Variants in DIP2B observed in about 807,000 individuals in gnomAD.
The protein encoded by DIP2B is disco-interacting protein 2 homolog B.
DIP2B carries 76 observed loss-of-function variants against 198.0 expected under a neutral mutation model. The observed-to-expected ratio is 0.38, with a 90% CI of 0.32 to 0.46. DIP2B has a LOEUF of 0.46. Among genes scored for constraint, DIP2B ranks in the 20% least tolerant of loss-of-function variants. DIP2B has a pLI of 0.99. For missense variants in DIP2B, 1,559 were observed against 1,978.4 expected (o/e 0.79, Z 4.02); for synonymous variants, 701 against 739.1 (o/e 0.95, Z 0.84).
At chr12:50,568,440 C>T (rs147940700) in intron 1 of DIP2B, among the ~76,000 whole-genome samples, 81 of 152,256 alleles carry the variant, frequency 5.3e-4, no homozygotes, top group African/African-American at 1.8e-3. Flanking sequence ...GGGTATTTAG[C>T]CTGTACTTTT....
intron 1 of DIP2B, among the ~76,000 whole-genome samples, chr12:50,533,846 A>G (rs1356204888): frequency 6.6e-6 from 1 of 151,928 alleles, no homozygotes; most frequent in Non-Finnish European, 1.5e-5. Context: ...CCTTTCAGCC[A>G]CCCAAAGTGC....
At chr12:50,565,078 A>G (rs897710641) in intron 1 of DIP2B, among the ~76,000 whole-genome samples, 1 of 152,008 alleles carries the variant, frequency 6.6e-6, no homozygotes. Flanking sequence ...CTCACAGCTC[A>G]CTATAGCCTT....
intron 1 of DIP2B, among the ~76,000 whole-genome samples, chr12:50,540,674 G>A (rs538773884): frequency 4.7e-5 from 7 of 149,484 alleles, no homozygotes; most frequent in African/African-American, 1.7e-4. Context: ...TCAGCCTACC[G>A]AGTAGCTGGG....
intron 1 of DIP2B, among the ~76,000 whole-genome samples, chr12:50,540,446 A>T (rs1438455901): frequency 1.3e-5 from 2 of 151,154 alleles, no homozygotes; most frequent in Non-Finnish European, 2.9e-5. Context: ...AATATTAAAA[A>T]TATATTTACA....
chr12:50,571,657 A>T (rs1398514562), intron 1 of DIP2B, among the ~76,000 whole-genome samples: 1 of 139,634 alleles, frequency 7.2e-6, no homozygotes, highest in African/African-American at 2.7e-5. Flanking sequence ...GGTTCAAGTG[A>T]TTCTTCTGTC....
intron 30 of DIP2B, 114 bp downstream of exon 30, chr12:50,728,792 T>C: frequency 7.8e-7 from 1 of 1,281,602 alleles, no homozygotes; most frequent in Non-Finnish European, 1.1e-6. Flanking sequence ...AAAATGCTAG[T>C]GTTTCCAGAA....
intron 1 of DIP2B, among the ~76,000 whole-genome samples, chr12:50,553,938 G>A (rs1268313424): frequency 6.6e-6 from 1 of 152,160 alleles, no homozygotes; most frequent in Non-Finnish European, 1.5e-5. Flanking sequence ...GCAGGTGTCA[G>A]CCTGTGCGCT....
In DIP2B at chr12:50,573,035, C is replaced by T. The variant is rs114741843; in HGVS notation, c.101-52941C>T. ...CTGATCAGGCATGTGCCATTCTGCA[C>T]GTGAGCTCTAAGAAATAAAGCCGCA... On this transcript the variant is annotated intron_variant, in intron 1 of 37. Transcript: ENST00000301180. 7.2e-3 allele frequency among the ~76,000 whole-genome samples: 1,091 copies of T among 152,352 alleles called. 16 individuals are homozygous for T. Among genetic ancestry groups the T allele is most frequent in the African/African-American group, 0.025 (1,048 of 41,576 alleles).
intron 35 of DIP2B, 33 bp downstream of exon 35, chr12:50,737,143 G>A (rs1171874530): frequency 4.4e-6 from 7 of 1,590,740 alleles, no homozygotes; most frequent in Middle Eastern, 1.7e-4. Flanking sequence ...ACTCTGAAAA[G>A]TCAGCAGTAA....
chr12:50,686,714 G>A (rs1186513347), intron 12 of DIP2B, 32 bp downstream of exon 12: 2 of 1,590,692 alleles, frequency 1.3e-6, no homozygotes, highest in Non-Finnish European at 1.7e-6. Context: ...ATGCTTTCAG[G>A]CTTTTCCTTG....
chr12:50,704,521 G>C (rs1452261597), intron 20 of DIP2B, among the ~76,000 whole-genome samples: 3 of 151,880 alleles, frequency 2.0e-5, no homozygotes, highest in African/African-American at 7.3e-5. Flanking sequence ...TCACTATCTC[G>C]CTCTGATTTG....
In DIP2B at chr12:50,744,683, G is replaced by A. The variant is rs1259722015; in HGVS notation, c.4575G>A (p.Val1525=). The change falls in exon 38 of 38, where the codon GTG becomes GTA. Residue 1525 remains valine (V), a synonymous_variant. Coordinates refer to ENST00000301180, the MANE Select transcript of DIP2B (RefSeq NM_173602.3). ...ATCTGGTCCCATTAGTGACCAACGT[G>A]GTCCTGGAAGAGCATTACCTCATCG... is the stretch of plus-strand genomic sequence containing the variant. ...ALDLVPLVTN[V]VLEEHYLIVG... The A allele has an allele frequency of 6.2e-7, 1 of 1,614,078 alleles. No individual in the cohort carries two copies. Among genetic ancestry groups the A allele is most frequent in the Admixed American group, 1.7e-5 (1 of 60,008 alleles).
intron 3 of DIP2B, among the ~76,000 whole-genome samples, chr12:50,657,581 C>T (rs1938575979): frequency 6.6e-6 from 1 of 151,108 alleles, no homozygotes; most frequent in African/African-American, 2.4e-5. Context: ...TCCTTGAGAC[C>T]AGTAGTTGGA....
intron 1 of DIP2B, among the ~76,000 whole-genome samples, chr12:50,535,179 C>T (rs1293767957): frequency 1.3e-5 from 2 of 151,994 alleles, no homozygotes; most frequent in African/African-American, 4.8e-5. Flanking sequence ...CTGCAGTGAG[C>T]AGTGATTATG....
intron 23 of DIP2B, among the ~76,000 whole-genome samples, chr12:50,715,876 G>T (rs1387714024): frequency 2.6e-5 from 4 of 152,230 alleles, no homozygotes; most frequent in African/African-American, 9.6e-5. Flanking sequence ...ATAACTAGCA[G>T]TTTTTGCCAT....
chr12:50,658,106 GA>G (rs1446980854), intron 3 of DIP2B, among the ~76,000 whole-genome samples: 3 of 148,890 alleles, frequency 2.0e-5, no homozygotes, highest in Non-Finnish European at 3.0e-5. Flanking sequence ...AAAAAAGAAA[GA>G]AAAAAAAGAA....
At chr12:50,584,752 T>C (rs1055020336) in intron 1 of DIP2B, among the ~76,000 whole-genome samples, 1 of 152,074 alleles carries the variant, frequency 6.6e-6, no homozygotes, top group Non-Finnish European at 1.5e-5. Context: ...TTAGTAGAGA[T>C]GGAGTTTCAC....
chr12:50,615,077 T>G (rs1937671928), intron 1 of DIP2B, among the ~76,000 whole-genome samples: 3 of 152,230 alleles, frequency 2.0e-5, no homozygotes, highest in Admixed American at 1.3e-4. Flanking sequence ...GTATAGATAC[T>G]ATTACTTATT....
chr12:50,717,571 G>A lies in DIP2B; in HGVS notation c.2852-1138G>A, dbSNP rs547985896. ...TTTAGTAGAGACAGGGTTTCACCGC[G>A]TTAGCCGGGATGGTCTCGGTCTCCT... is the stretch of plus-strand genomic sequence containing the variant. On this transcript the variant is annotated intron_variant, in intron 23 of 37. Coordinates refer to ENST00000301180, the MANE Select transcript of DIP2B (RefSeq NM_173602.3). Among the ~76,000 whole-genome samples, 26 of 151,604 alleles carry A rather than the reference G, an allele frequency of 1.7e-4. No individual in the cohort carries two copies. In the South Asian group the frequency reaches 3.3e-3, roughly 19 times the overall value.
Sources: gnomAD v4.1 joint callset for allele counts (sites outside exome capture counted in the v4.1 genomes callset) on GRCh38, gnomAD v4.1.1 for gene constraint, MANE v1.5 for transcripts, NCBI Gene and HGNC (gene_info 2026-07-23, HGNC 2026-07-21) for gene names.